The following INTU variants were observed in gnomAD, a reference collection of about 807,000 sequenced individuals.
INTU encodes the protein inturned planar cell polarity protein.
In INTU, 68 loss-of-function variants were observed where a neutral mutation model predicts 100.5. The ratio of observed to expected loss-of-function variants is 0.68; its 90% CI spans 0.56 to 0.83. The LOEUF (loss-of-function observed/expected upper bound fraction) is 0.83. Among genes scored for constraint, INTU ranks in the 40% least tolerant of loss-of-function variants. The pLI is 0.00. For synonymous variants in INTU, 357 were observed against 395.7 expected, an observed-to-expected ratio of 0.90 and a Z score of 1.16; for missense variants, 1,071 against 1,114.7, an observed-to-expected ratio of 0.96 and a Z score of 0.56.
At chr4:127,684,981 C>T (rs1202813190) in intron 7 of INTU, among the ~76,000 whole-genome samples, 4 of 151,720 alleles carry the variant, frequency 2.6e-5, no homozygotes, top group Non-Finnish European at 2.9e-5. Flanking sequence ...CTTATAAGAC[C>T]ATCAAATTCA....
chr4:127,704,597 A>T (rs1205443764), intron 10 of INTU, among the ~76,000 whole-genome samples: 1 of 152,012 alleles, frequency 6.6e-6, no homozygotes, highest in Admixed American at 6.6e-5. Context: ...GCCTGACCAG[A>T]TTAAGACCTT....
chr4:127,688,463 A>G (rs1200079809), intron 8 of INTU, among the ~76,000 whole-genome samples: 2 of 150,362 alleles, frequency 1.3e-5, no homozygotes, highest in African/African-American at 2.5e-5. Flanking sequence ...ATCAGTGTAG[A>G]TCACCATATA....
chr4:127,710,193 A>G (rs910944981), intron 13 of INTU, among the ~76,000 whole-genome samples: 1 of 152,168 alleles, frequency 6.6e-6, no homozygotes, highest in African/African-American at 2.4e-5. Flanking sequence ...AGGCTCTCCT[A>G]TTTTAAAAGG....
Position 127,704,293 on chromosome 4 carries a change from A to G in INTU, c.1566+3A>G. ...TGGGGTCTTCTCTATTTTACAAGGT[A>G]AGTTGAAGCTTGAAGTCTAAATGTC... On this transcript the variant is annotated splice_donor_region_variant and intron_variant, in intron 10 of 15. Coordinates refer to ENST00000335251, the MANE Select transcript of INTU (RefSeq NM_015693.4). 1.2e-6 allele frequency: 2 copies of G among 1,606,458 alleles called. No individual in the cohort carries two copies. Among genetic ancestry groups the G allele is most frequent in the Non-Finnish European group, 1.7e-6 (2 of 1,174,728 alleles).
At position 127,696,677 on chromosome 4, in the gene INTU, G is replaced by A. The variant is rs189029371; in HGVS notation, c.1450-3333G>A. 2.0e-3 allele frequency among the ~76,000 whole-genome samples: 310 copies of A among 151,382 alleles called. 1 individual carries two copies. The highest frequency in any genetic ancestry group is 7.3e-3 in the African/African-American group (302 of 41,254). ...CTACGGCTTTCCTATTTTCAGTGTCGTTGATTTCTCCTCTAATTTTTATTA... is the reference window on the plus strand; with the variant it reads ...CTACGGCTTTCCTATTTTCAGTGTCATTGATTTCTCCTCTAATTTTTATTA... On this transcript the variant is annotated intron_variant, in intron 8 of 15. Coordinates refer to ENST00000335251, the MANE Select transcript of INTU (RefSeq NM_015693.4).
chr4:127,699,558 A>G (rs1297992977), intron 8 of INTU, among the ~76,000 whole-genome samples: 1 of 152,244 alleles, frequency 6.6e-6, no homozygotes, highest in East Asian at 1.9e-4. Flanking sequence ...CTATTGAGTA[A>G]TATACAAGAA....
At chr4:127,708,521 T>C (rs1730976460) in intron 12 of INTU, 50 bp from the exon 13 acceptor site, 1 of 944,004 alleles carries the variant, frequency 1.1e-6, no homozygotes, top group South Asian at 1.5e-5. Flanking sequence ...GTTTCTGCTA[T>C]ATGATTCCAT....
intron 6 of INTU, among the ~76,000 whole-genome samples, chr4:127,683,374 T>C (rs1243355195): frequency 6.6e-6 from 1 of 152,194 alleles, no homozygotes; most frequent in Non-Finnish European, 1.5e-5. Flanking sequence ...TTCACATAAC[T>C]AAAAGATAGG....
intron 3 of INTU, among the ~76,000 whole-genome samples, chr4:127,659,578 C>A (rs1728383195): frequency 6.6e-6 from 1 of 152,182 alleles, no homozygotes; most frequent in South Asian, 2.1e-4. Context: ...ACTTTTGTGA[C>A]CCTGATCCGT....
chr4:127,696,152 T>C (rs1322419172), intron 8 of INTU, among the ~76,000 whole-genome samples: 1 of 152,160 alleles, frequency 6.6e-6, no homozygotes. Flanking sequence ...GTCATTTTTT[T>C]TGTTTTTTTC....
chr4:127,707,792 A>G (rs1730950584), intron 12 of INTU, among the ~76,000 whole-genome samples: 1 of 152,180 alleles, frequency 6.6e-6, no homozygotes, highest in Non-Finnish European at 1.5e-5. Context: ...TTTCCCATGA[A>G]AATACCATAA....
chr4:127,670,260 A>G (rs1405915982), intron 5 of INTU, among the ~76,000 whole-genome samples: 3 of 151,902 alleles, frequency 2.0e-5, no homozygotes, highest in Non-Finnish European at 4.4e-5. Flanking sequence ...CAGCCTCCGT[A>G]ATACTGAAAA....
intron 3 of INTU, among the ~76,000 whole-genome samples, chr4:127,657,142 A>G (rs994148399): frequency 6.6e-6 from 1 of 152,146 alleles, no homozygotes; most frequent in African/African-American, 2.4e-5. Context: ...AACAAATCAT[A>G]CAAGTTTCTT....
chr4:127,665,442 A>C (rs541551830), intron 4 of INTU, among the ~76,000 whole-genome samples: 2 of 151,962 alleles, frequency 1.3e-5, no homozygotes, highest in African/African-American at 4.8e-5. Context: ...ATTTCTTTTT[A>C]GTGAAAGTGT....
rs929118073 is a variant in INTU, at chr4:127,687,590, T to C, written c.1260-88T>C. ...GGAGTGAGGAAGATAGCCTATGTAG[T>C]TGGGAAAGATCCAGTTCCCTTAGGA... On this transcript the variant is annotated intron_variant, in intron 7 of 15. Coordinates refer to ENST00000335251, the MANE Select transcript of INTU (RefSeq NM_015693.4). 5.7e-5 allele frequency: 55 copies of C among 962,752 alleles called. No homozygotes were observed. The African/African-American group carries it at 8.6e-4, about 15-fold the overall frequency. 59.6% of individuals were successfully genotyped at this position (962,752 alleles called of 1,614,324 possible).
intron 9 of INTU, 57 bp downstream of exon 9, chr4:127,700,120 G>A (rs1730584696): frequency 1.6e-6 from 2 of 1,234,212 alleles, no homozygotes; most frequent in South Asian, 2.7e-5. Flanking sequence ...TTGTATAACA[G>A]TCATTATTCT....
intron 2 of INTU, among the ~76,000 whole-genome samples, chr4:127,654,079 A>T (rs1374222955): frequency 1.3e-5 from 2 of 150,112 alleles, no homozygotes; most frequent in Admixed American, 6.6e-5. Context: ...TGCTTGGTAG[A>T]TCTTCCTCCA....
chr4:127,676,326 C>T (rs1729178065), intron 6 of INTU, among the ~76,000 whole-genome samples: 1 of 152,114 alleles, frequency 6.6e-6, no homozygotes, highest in Non-Finnish European at 1.5e-5. Flanking sequence ...TGGCTCACAC[C>T]TATAATCCTA....
At chr4:127,663,302 A>G in intron 3 of INTU, 79 bp from the exon 4 acceptor site, 1 of 1,010,192 alleles carries the variant, frequency 9.9e-7, no homozygotes, top group African/African-American at 1.6e-5. Context: ...GTGTATGTAC[A>G]TGCACAGATC....
Sources: allele counts gnomAD v4.1 joint callset (sites outside exome capture counted in the v4.1 genomes callset), GRCh38; gene constraint gnomAD v4.1.1; transcripts MANE v1.5; gene names NCBI Gene and HGNC (gene_info 2026-07-23, HGNC 2026-07-21).